TMPRSS4: variants seen among roughly 807,000 people sequenced by gnomAD.
TMPRSS4 encodes transmembrane protease serine 4.
Under a neutral mutation model 56.4 loss-of-function variants are expected in TMPRSS4, and 45 were observed. The ratio of observed to expected loss-of-function variants is 0.80; its 90% CI spans 0.63 to 1.02. The LOEUF (loss-of-function observed/expected upper bound fraction) is 1.02. Among genes scored for constraint, TMPRSS4 ranks in the 50% least tolerant of loss-of-function variants. The pLI is 0.00. For missense variants in TMPRSS4, 546 were observed against 556.7 expected, an observed-to-expected ratio of 0.98 and a Z score of 0.19; for synonymous variants, 205 against 211.0, an observed-to-expected ratio of 0.97 and a Z score of 0.25.
At position 118,113,371 on chromosome 11, in the gene TMPRSS4, C is replaced by A. The variant is rs181828820; in HGVS notation, c.846C>A (p.Asn282Lys). 1.9e-6 allele frequency: 3 copies of A among 1,614,184 alleles called. No individual in the cohort carries two copies. Among genetic ancestry groups the A allele is most frequent in the African/African-American group, 1.3e-5 (1 of 75,040 alleles). ...AVAKIIIIEF[N>K]PMYPKDNDIA... ...CCAAGATCATCATCATTGAATTCAA[C>A]CCCATGTACCCCAAAGACAATGACA... The change falls in exon 9 of 13, where the codon AAC (asparagine) becomes AAA (lysine). Residue 282 changes from asparagine to lysine, a missense_variant. Asn to Lys is a moderately conservative substitution (Grantham distance 94). Transcript: ENST00000437212.
downstream of TMPRSS4, chr11:118,125,457 T>C: frequency 4.8e-6 from 2 of 420,348 alleles, no homozygotes; most frequent in South Asian, 3.3e-5. Flanking sequence ...GTCCCCCTTA[T>C]GCCCATTTCC....
rs773018467 is a variant in TMPRSS4 at position 118,103,179 on chromosome 11, G to A, written c.236G>A (p.Gly79Glu). 6 of 1,614,118 alleles carry A rather than the reference G, an allele frequency of 3.7e-6. No homozygotes were observed. The highest frequency in any genetic ancestry group is 1.3e-5 in the African/African-American group (1 of 74,936). The change falls in exon 4 of 13, where the codon GGA becomes GAA. Residue 79 changes from glycine to glutamate, a missense_variant. Coordinates refer to ENST00000437212, the MANE Select transcript of TMPRSS4 (RefSeq NM_019894.4). Reference sequence around the variant, plus strand: ...ATCCCGAGGAAGCAGCTGTGTGACGGAGAGCTGGACTGTCCCTTGGGGGAG... The same window carrying A: ...ATCCCGAGGAAGCAGCTGTGTGACGAAGAGCTGGACTGTCCCTTGGGGGAG... ...HFIPRKQLCD[G>E]ELDCPLGEDE...
At chr11:118,102,367 A>G (rs1411140927) in intron 3 of TMPRSS4, among the ~76,000 whole-genome samples, 1 of 152,222 alleles carries the variant, frequency 6.6e-6, no homozygotes, top group Non-Finnish European at 1.5e-5. Flanking sequence ...ATCCCATTGT[A>G]CAGATGAGGA....
chr11:118,106,000 C>T (rs1320206621), intron 5 of TMPRSS4: 1 of 152,242 alleles, frequency 6.6e-6, no homozygotes, highest in Non-Finnish European at 1.5e-5. Flanking sequence ...AGAAAGCACA[C>T]CCCACCACCT....
downstream of TMPRSS4, among the ~76,000 whole-genome samples, chr11:118,124,101 G>A (rs1947847775): frequency 6.6e-6 from 1 of 151,970 alleles, no homozygotes; most frequent in African/African-American, 2.4e-5. Flanking sequence ...AATACTTCAG[G>A]AGGGGCCAGG....
rs1415415805 is a variant in TMPRSS4, at chr11:118,118,865, T to A, written c.*952T>A. ...CCTGGAGAGCCCTCAGTGTGGCTTC[T>A]TACATTTAAAAAACAAAAAGGATCA... is the stretch of plus-strand genomic sequence containing the variant. On this transcript the variant is annotated 3_prime_UTR_variant, in exon 13 of 13. Coordinates refer to ENST00000437212, the MANE Select transcript of TMPRSS4 (RefSeq NM_019894.4). The A allele has an allele frequency of 1.0e-6, 1 of 985,298 alleles. No individual in the cohort carries two copies. Among genetic ancestry groups the A allele is most frequent in the Non-Finnish European group, 1.2e-6 (1 of 829,942 alleles). The allele number at this position is 985,298 out of a possible 1,614,324, so 61.0% of individuals were successfully genotyped here.
At chr11:118,097,271 A>C (rs9651687) in intron 2 of TMPRSS4, among the ~76,000 whole-genome samples, 1 of 151,892 alleles carries the variant, frequency 6.6e-6, no homozygotes, top group African/African-American at 2.4e-5. Flanking sequence ...ATACAAAATA[A>C]GTCAAATATA....
chr11:118,084,973 G>A (rs192540800), intron 1 of TMPRSS4, among the ~76,000 whole-genome samples: 21 of 152,236 alleles, frequency 1.4e-4, no homozygotes, highest in African/African-American at 5.1e-4. Context: ...AAACTGCAAA[G>A]ACCAACCTAG....
At chr11:118,109,741 G>A (rs1040448317) in intron 7 of TMPRSS4, among the ~76,000 whole-genome samples, 2 of 152,208 alleles carry the variant, frequency 1.3e-5, no homozygotes, top group African/African-American at 4.8e-5. Flanking sequence ...AACGCCTAAG[G>A]GAAGAAGGTC....
chr11:118,123,774 T>C (rs1273154036), downstream of TMPRSS4, among the ~76,000 whole-genome samples: 3 of 152,114 alleles, frequency 2.0e-5, no homozygotes, highest in African/African-American at 7.2e-5. Context: ...TCCGCCCGCC[T>C]CAGCCTCCCA....
chr11:118,094,716 G>C, intron 1 of TMPRSS4, 100 bp from the exon 2 acceptor site: 1 of 1,059,664 alleles, frequency 9.4e-7, no homozygotes. Context: ...CGTAGACTCA[G>C]GGAGAAGGGA....
At chr11:118,103,572 G>C (rs1946841375) in intron 4 of TMPRSS4, among the ~76,000 whole-genome samples, 1 of 152,120 alleles carries the variant, frequency 6.6e-6, no homozygotes. Flanking sequence ...AGTAGAGACG[G>C]GGTTTTGCCA....
At chr11:118,101,098 C>A (rs1486175716) in intron 3 of TMPRSS4, among the ~76,000 whole-genome samples, 6 of 152,174 alleles carry the variant, frequency 3.9e-5, no homozygotes, top group African/African-American at 1.4e-4. Context: ...AGTGTCAGGG[C>A]CAGCAGATCA....
At chr11:118,087,876 C>T (rs1701385716) in intron 1 of TMPRSS4, among the ~76,000 whole-genome samples, 1 of 152,202 alleles carries the variant, frequency 6.6e-6, no homozygotes, top group Non-Finnish European at 1.5e-5. Flanking sequence ...ATCAATAAAG[C>T]CCCTCCTGGG....
chr11:118,096,904 AAAGAAAGGGAGAGAG>A (rs1946360080), intron 2 of TMPRSS4, among the ~76,000 whole-genome samples: 1 of 52,594 alleles, frequency 1.9e-5, no homozygotes, highest in African/African-American at 8.1e-5. Context: ...AGAAAGAAAG[AAAGAAAGGGAGAGAG>A]AAAGGAAAGA....
At chr11:118,117,514 C>G in intron 12 of TMPRSS4, 60 bp downstream of exon 12, 1 of 1,548,258 alleles carries the variant, frequency 6.5e-7, no homozygotes, top group African/African-American at 1.4e-5. Flanking sequence ...TGGGGGGTGC[C>G]AATCCATCCT....
chr11:118,117,501 A>G (rs1166324077), intron 12 of TMPRSS4, 47 bp downstream of exon 12: 1 of 1,573,220 alleles, frequency 6.4e-7, no homozygotes, highest in Non-Finnish European at 8.6e-7. Flanking sequence ...CCAGTCCTCT[A>G]CCTGGGGGGT....
intron 1 of TMPRSS4, among the ~76,000 whole-genome samples, chr11:118,082,844 G>A (rs1057440963): frequency 5.3e-5 from 8 of 152,338 alleles, no homozygotes; most frequent in African/African-American, 1.9e-4. Flanking sequence ...TTCAGGCTGA[G>A]AGTGAGCTCT....
At chr11:118,124,256 G>C (rs1288542976), downstream of TMPRSS4, among the ~76,000 whole-genome samples, 1 of 152,080 alleles carries the variant, frequency 6.6e-6, no homozygotes, top group Non-Finnish European at 1.5e-5. Flanking sequence ...GTGGTGGTGC[G>C]TGCCTGTAGT....
Sources: gnomAD v4.1 joint callset for allele counts (sites outside exome capture counted in the v4.1 genomes callset) on GRCh38, gnomAD v4.1.1 for gene constraint, MANE v1.5 for transcripts, NCBI Gene and HGNC (gene_info 2026-07-23, HGNC 2026-07-21) for gene names.